The following ARID4B variants were observed in gnomAD, a reference collection of about 807,000 sequenced individuals.
The protein encoded by ARID4B is AT-rich interaction domain 4B.
Under a neutral mutation model 147.5 loss-of-function variants are expected in ARID4B, and 26 were observed. The observed-to-expected ratio is 0.18, with a 90% CI of 0.13 to 0.24. ARID4B has a LOEUF of 0.24. Ranked by LOEUF, ARID4B falls within the 10% of genes least tolerant of loss-of-function variation. ARID4B has a pLI of 1.00. For missense variants in ARID4B, 1,179 were observed against 1,511.5 expected (o/e 0.78, Z 3.65); for synonymous variants, 512 against 507.9 (o/e 1.01, Z -0.11).
At position 235,175,195 on chromosome 1, in the gene ARID4B, C is replaced by T; in HGVS notation, c.3653G>A (p.Ser1218Asn). Residue 1218 changes from serine to asparagine, a missense_variant, in exon 22 of 24, where the codon AGT (serine) becomes AAT (asparagine). Ser to Asn is a conservative substitution (Grantham distance 46). Coordinates refer to ENST00000264183, the MANE Select transcript of ARID4B (RefSeq NM_016374.6). ...AACATGTCACTTACACATCTGAAAA[C>T]TCCATTTGTAAACTTTGGGTAATCG... is the stretch of plus-strand genomic sequence containing the variant. ...SNRLPKVYKW[S>N]FQMSDLENMT... is the part of the protein sequence containing the mutation. 1 of 1,613,596 alleles carries T rather than the reference C, an allele frequency of 6.2e-7. No individual in the cohort carries two copies. Among genetic ancestry groups the T allele is most frequent in the Non-Finnish European group, 8.5e-7 (1 of 1,179,506 alleles).
Position 235,260,624 on chromosome 1 carries a change from A to T in ARID4B, c.117+18T>A. 6.6e-7 allele frequency: 1 copy of T among 1,518,518 alleles called. No individual in the cohort carries two copies. The highest frequency in any genetic ancestry group is 1.4e-5 in the African/African-American group (1 of 70,886). 94.1% of individuals were successfully genotyped at this position (1,518,518 alleles called of 1,614,324 possible). A position where few individuals can be genotyped will look rare whatever the true frequency, so the allele number is the denominator to read the frequency against. ...CAAATGCTGAACATACAATTTATGA[A>T]ATCTATAAATACTGTACCTTGACTT... is the stretch of plus-strand genomic sequence containing the variant. On this transcript the variant is annotated intron_variant, in intron 3 of 23. Transcript: ENST00000264183.
In ARID4B at chr1:235,267,701, G is replaced by A. The variant is rs111267213; in HGVS notation, c.7-6949C>T. 2.9e-3 allele frequency among the ~76,000 whole-genome samples: 438 copies of A among 152,000 alleles called. 1 individual carries two copies. The highest frequency in any genetic ancestry group is 1.0e-2 in the African/African-American group (414 of 41,450). ...TAAAAAATTAGCCGGGTGTGGTGGC[G>A]GGTGCCTGTAGGCTAACAAGGTGAA... On this transcript the variant is annotated intron_variant, in intron 2 of 23. Coordinates refer to ENST00000264183, the MANE Select transcript of ARID4B (RefSeq NM_016374.6).
chr1:235,208,287 A>G (rs16832466), intron 17 of ARID4B, among the ~76,000 whole-genome samples: 8,934 of 152,252 alleles, frequency 0.059, 856 homozygotes, highest in African/African-American at 0.19. Flanking sequence ...AATCAATCCC[A>G]TATTTACGAC....
intron 2 of ARID4B, among the ~76,000 whole-genome samples, chr1:235,294,180 G>A (rs1672523449): frequency 6.6e-6 from 1 of 151,742 alleles, no homozygotes; most frequent in South Asian, 2.1e-4. Context: ...ATTGACACTG[G>A]ACTTTCAAAT....
At chr1:235,273,019 A>G (rs946234943) in intron 2 of ARID4B, among the ~76,000 whole-genome samples, 2 of 152,102 alleles carry the variant, frequency 1.3e-5, no homozygotes, top group Admixed American at 1.3e-4. Context: ...AAGCCAGGTG[A>G]TTTTCCAGAT....
At chr1:235,231,014 A>G (rs979180176) in intron 10 of ARID4B, 99 bp downstream of exon 10, 1 of 826,600 alleles carries the variant, frequency 1.2e-6, no homozygotes, top group Admixed American at 2.7e-5. Flanking sequence ...TAAAAACATA[A>G]TTTAAAGAAA....
intron 19 of ARID4B, among the ~76,000 whole-genome samples, chr1:235,184,599 A>G (rs992926493): frequency 4.6e-5 from 7 of 152,228 alleles, no homozygotes; most frequent in African/African-American, 1.7e-4. Context: ...AACATAACTG[A>G]CATAACTAAG....
chr1:235,263,385 C>G (rs946870288), intron 2 of ARID4B, among the ~76,000 whole-genome samples: 1 of 151,968 alleles, frequency 6.6e-6, no homozygotes, highest in African/African-American at 2.4e-5. Flanking sequence ...ATTCAGAAAC[C>G]CATTTGCGTA....
intron 7 of ARID4B, 109 bp downstream of exon 7, chr1:235,246,311 T>A: frequency 2.4e-6 from 2 of 836,446 alleles, no homozygotes; most frequent in Non-Finnish European, 3.8e-6. Context: ...CCGAAATTAC[T>A]ATTAGATCTG....
chr1:235,222,656 G>C (rs1667546790), intron 13 of ARID4B, among the ~76,000 whole-genome samples: 1 of 147,272 alleles, frequency 6.8e-6, no homozygotes, highest in South Asian at 2.2e-4. Flanking sequence ...ACAGTAATCA[G>C]AAAGCTGATA....
At chr1:235,170,427 T>C (rs1663255271) in intron 23 of ARID4B, among the ~76,000 whole-genome samples, 1 of 152,070 alleles carries the variant, frequency 6.6e-6, no homozygotes, top group African/African-American at 2.4e-5. Context: ...AATATATAGA[T>C]ATAGCAACAC....
chr1:235,311,675 G>A (rs2103278675), intron 2 of ARID4B, among the ~76,000 whole-genome samples: 1 of 152,036 alleles, frequency 6.6e-6, no homozygotes, highest in South Asian at 2.1e-4. Context: ...TTGGGAGGCA[G>A]AAACATGAGA....
rs182835426 is a variant in ARID4B at position 235,273,232 on chromosome 1, C to T, written c.7-12480G>A. On this transcript the variant is annotated intron_variant, in intron 2 of 23. Coordinates refer to ENST00000264183, the MANE Select transcript of ARID4B (RefSeq NM_016374.6). ...TCATGTGTGTGTATTTTTATAGAGACGAGTTTTCACCATGTTGGCCAGGCT... is the reference window on the plus strand; with the variant it reads ...TCATGTGTGTGTATTTTTATAGAGATGAGTTTTCACCATGTTGGCCAGGCT... Among the ~76,000 whole-genome samples the T allele has an allele frequency of 1.3e-3, 197 of 152,214 alleles. 1 individual carries two copies. The highest frequency in any genetic ancestry group is 0.01 in the Middle Eastern group (3 of 294).
chr1:235,256,848 A>G (rs1670017638), intron 4 of ARID4B, among the ~76,000 whole-genome samples: 1 of 111,026 alleles, frequency 9.0e-6, no homozygotes. Context: ...TTCTGAATAA[A>G]CTGGTTTTAC....
intron 2 of ARID4B, among the ~76,000 whole-genome samples, chr1:235,311,972 A>G (rs2103279451): frequency 6.6e-6 from 1 of 152,266 alleles, no homozygotes; most frequent in East Asian, 1.9e-4. Context: ...CTTGTGTAAT[A>G]TGTACTGATA....
intron 19 of ARID4B, 86 bp from the exon 20 acceptor site, chr1:235,182,879 C>G (rs765490011): frequency 5.2e-6 from 7 of 1,350,364 alleles, no homozygotes; most frequent in Non-Finnish European, 6.9e-6. Flanking sequence ...TATATTAGGT[C>G]CTGTGTATAC....
intron 17 of ARID4B, among the ~76,000 whole-genome samples, chr1:235,209,563 G>T (rs867315985): frequency 3.5e-3 from 485 of 137,158 alleles, no homozygotes; most frequent in South Asian, 6.5e-3. Context: ...TTTGTTTTTT[G>T]TTTTGTTTTT....
At position 235,255,673 on chromosome 1, in the gene ARID4B, A is replaced by G; in HGVS notation, c.261T>C (p.Ser87=). Residue 87 remains serine (S), a synonymous_variant, in exon 5 of 24, where the codon AGT becomes AGC. Coordinates refer to ENST00000264183, the MANE Select transcript of ARID4B (RefSeq NM_016374.6). Reference sequence around the variant, plus strand: ...TTATTTTCTTACCTACAGTGTACCAACTCGCATCTGTTAGTTTATTGATAA... The same window carrying G: ...TTATTTTCTTACCTACAGTGTACCAGCTCGCATCTGTTAGTTTATTGATAA... ...EAVINKLTDA[S]WYTVVFDDGD... 1 of 1,608,644 alleles carries G rather than the reference A, an allele frequency of 6.2e-7. No individual in the cohort carries two copies. The highest frequency in any genetic ancestry group is 2.2e-5 in the East Asian group (1 of 44,554).
At chr1:235,303,881 T>C (rs1232620918) in intron 2 of ARID4B, among the ~76,000 whole-genome samples, 1 of 152,232 alleles carries the variant, frequency 6.6e-6, no homozygotes, top group East Asian at 1.9e-4. Context: ...AATTGGTTAT[T>C]TGGAGACATT....
Sources: allele counts gnomAD v4.1 joint callset (sites outside exome capture counted in the v4.1 genomes callset), GRCh38; gene constraint gnomAD v4.1.1; transcripts MANE v1.5; gene names NCBI Gene and HGNC (gene_info 2026-07-23, HGNC 2026-07-21).